FN1: variants seen among roughly 807,000 people sequenced by gnomAD.
FN1 encodes fibronectin 1.
FN1 carries 106 observed loss-of-function variants against 297.3 expected under a neutral mutation model. The observed-to-expected ratio is 0.36, with a 90% CI of 0.30 to 0.42. The LOEUF (loss-of-function observed/expected upper bound fraction) is 0.42. Among genes scored for constraint, FN1 ranks in the 10% least tolerant of loss-of-function variants. The pLI, the probability that FN1 is intolerant of heterozygous loss-of-function variation, is 1.00. For missense variants in FN1, 2,690 were observed against 3,124.9 expected (o/e 0.86, Z 3.32); for synonymous variants, 1,149 against 1,152.6 (o/e 1.00, Z 0.06).
chr2:215,414,729 G>A, intron 13 of FN1, 108 bp downstream of exon 13: 1 of 1,546,344 alleles, frequency 6.5e-7, no homozygotes, highest in Non-Finnish European at 8.8e-7. Flanking sequence ...AAATGCTATA[G>A]GAATAGTTAA....
At chr2:215,405,673 G>T (rs1286577898) in intron 19 of FN1, among the ~76,000 whole-genome samples, 1 of 152,096 alleles carries the variant, frequency 6.6e-6, no homozygotes. Flanking sequence ...AACCCAGGTG[G>T]TAGAGGTTCC....
Position 215,378,191 on chromosome 2 carries a change from A to G in FN1, c.5694T>C (p.Val1898=), listed in dbSNP as rs1320187351. Residue 1898 remains valine, a synonymous_variant, in exon 35 of 46, where the codon GTT becomes GTC. Coordinates refer to ENST00000354785, the MANE Select transcript of FN1 (RefSeq NM_212482.4). ...DTLTSRPAQG[V]VTTLENVSPP... is the part of the protein sequence containing the mutation. The stretch of plus-strand genomic sequence containing the variant: ...GTTACTTACTCTCCAGAGTGGTGAC[A>G]ACTCCCTGAGCTGGTCTGCTTGTCA... 1 of 1,604,646 alleles carries G rather than the reference A, an allele frequency of 6.2e-7. No homozygotes were observed. Among genetic ancestry groups the G allele is most frequent in the African/African-American group, 1.3e-5 (1 of 74,740 alleles).
rs146795650 is a variant in FN1 at position 215,434,792 on chromosome 2, T to G, written c.181A>C (p.Ile61Leu). Residue 61 changes from isoleucine to leucine, a missense_variant, in exon 2 of 46, where the codon ATA becomes CTA. By Grantham distance (5) the Ile-to-Leu change is conservative (BLOSUM62 2). Around this residue, in one of 3 missense-constraint regions of FN1, gnomAD observed 876 missense variants for 1,058.1 expected, o/e 0.83. Transcript: ENST00000354785. Reference sequence around the variant, plus strand: ...TAGGTCCGCTCCCACTGTTGATTTATCTGATAGTGTTTTCCATTGTCATAA... The same window carrying G: ...TAGGTCCGCTCCCACTGTTGATTTAGCTGATAGTGTTTTCCATTGTCATAA... Reference protein sequence around the residue: ...GCYDNGKHYQINQQWERTYLG... With the variant: ...GCYDNGKHYQLNQQWERTYLG... 2.5e-6 allele frequency: 4 copies of G among 1,613,904 alleles called. No homozygotes were observed. In the South Asian group the frequency reaches 3.3e-5, roughly 13 times the overall value.
In FN1 at chr2:215,408,419, T is replaced by C. The variant is rs775557843; in HGVS notation, c.2307A>G (p.Pro769=). 10 of 1,613,996 alleles carry C rather than the reference T, an allele frequency of 6.2e-6. No homozygotes were observed. In the East Asian group the frequency reaches 2.2e-4, roughly 36 times the overall value. ...EGDEPQYLDL[P]STATSVNIPD... Reference sequence around the variant, plus strand: ...GGATGTTCACAGAAGTGGCTGTGCTTGGAAGATCTTTGAAATGAAAAGAAA... The same window carrying C: ...GGATGTTCACAGAAGTGGCTGTGCTCGGAAGATCTTTGAAATGAAAAGAAA... The change falls in exon 16 of 46, where the codon CCA becomes CCG. Residue 769 remains proline, a synonymous_variant. Coordinates refer to ENST00000354785, the MANE Select transcript of FN1 (RefSeq NM_212482.4).
intron 38 of FN1, among the ~76,000 whole-genome samples, chr2:215,374,735 C>T (rs1308068359): frequency 6.6e-6 from 1 of 152,198 alleles, no homozygotes; most frequent in East Asian, 1.9e-4. Flanking sequence ...AGGTAGACAA[C>T]TCTTATTCCC....
rs377315833 is a variant in FN1 at position 215,370,540 on chromosome 2, C to CAAAAAAAAAAAAA, written c.6715-109_6715-108insTTTTTTTTTTTTT. 9.2e-4 allele frequency: 280 copies of CAAAAAAAAAAAAA among 304,780 alleles called. 14 individuals carry two copies. The African/African-American group carries it at 9.6e-3, about 10-fold the overall frequency. 18.9% of individuals were successfully genotyped at this position (304,780 alleles called of 1,614,324 possible). A position where few individuals can be genotyped will look rare whatever the true frequency, so the allele number is the denominator to read the frequency against. ...ACTGTTTAAACAAAGCAAAGGAAGA[C>CAAAAAAAAAAAAA]AAAAAACAAAAAACAAAAAAAAAAA... On this transcript the variant is annotated intron_variant, in intron 40 of 45. Coordinates refer to ENST00000354785, the MANE Select transcript of FN1 (RefSeq NM_212482.4).
In FN1 at chr2:215,408,340, C is replaced by T. The variant is rs1391805385; in HGVS notation, c.2386G>A (p.Asp796Asn). 3 of 1,613,980 alleles carry T rather than the reference C, an allele frequency of 1.9e-6. No homozygotes were observed. The highest frequency in any genetic ancestry group is 2.5e-6 in the Non-Finnish European group (3 of 1,179,990). Reference protein sequence around the residue: ...YIVNVYQISEDGEQSLILSTS... With the variant: ...YIVNVYQISENGEQSLILSTS... ...GACAGGATCAAACTCTGCTCCCCATCCTCAGATATCTGATAGACATTTACA... is the reference window on the plus strand; with the variant it reads ...GACAGGATCAAACTCTGCTCCCCATTCTCAGATATCTGATAGACATTTACA... The change falls in exon 16 of 46, where the codon GAT becomes AAT. Residue 796 changes from aspartate (D) to asparagine (N), a missense_variant. Coordinates refer to ENST00000354785, the MANE Select transcript of FN1 (RefSeq NM_212482.4).
At chr2:215,369,157 C>T (rs1299465199) in intron 41 of FN1, among the ~76,000 whole-genome samples, 2 of 149,194 alleles carry the variant, frequency 1.3e-5, no homozygotes, top group African/African-American at 2.5e-5. Flanking sequence ...GGTTTCTATA[C>T]TCAAAAGAGC....
rs892630783 is a variant in FN1 at position 215,401,890 on chromosome 2, G to C, written c.3253+2499C>G. ...TAATGGCTGAATTGAGGTACTACTG[G>C]TTTAGTGGGCTGTTTCATCTATGTA... On this transcript the variant is annotated intron_variant, in intron 20 of 45. Coordinates refer to ENST00000354785, the MANE Select transcript of FN1 (RefSeq NM_212482.4). Among the ~76,000 whole-genome samples, 15 of 150,924 alleles carry C rather than the reference G, an allele frequency of 9.9e-5. No homozygotes were observed. In the East Asian group the frequency reaches 2.5e-3, roughly 26 times the overall value.
In FN1 at chr2:215,371,989, T is replaced by C. The variant is rs17449032; in HGVS notation, c.6634A>G (p.Ile2212Val). The change falls in exon 40 of 46, where the codon ATC (isoleucine) becomes GTC (valine). Residue 2212 changes from isoleucine (I) to valine (V), a missense_variant. Physicochemically the swap from Ile to Val is conservative, Grantham distance 29. Around this residue, in one of 3 missense-constraint regions of FN1, gnomAD observed 1,743 missense variants for 1,945.2 expected, o/e 0.90. Transcript: ENST00000354785. ...TGQEALSQTT[I>V]SWAPFQDTSE... ...GTGTCCTGGAATGGGGCCCATGAGA[T>C]GGTTGTCTGAGAGAGAGCTTCTTGT... 0.019 allele frequency: 31,281 copies of C among 1,614,126 alleles called. 352 individuals are homozygous for C. Among genetic ancestry groups the C allele is most frequent in the Non-Finnish European group, 0.022 (26,017 of 1,180,000 alleles).
At chr2:215,415,112 G>A (rs368917608) in intron 12 of FN1, among the ~76,000 whole-genome samples, 154 bp from the exon 13 acceptor site, 42 of 152,100 alleles carry the variant, frequency 2.8e-4, no homozygotes, top group Admixed American at 2.2e-3. Flanking sequence ...AAATATTTAC[G>A]TTGAAAATCA....
At chr2:215,418,649 T>G (rs961917413) in intron 12 of FN1, among the ~76,000 whole-genome samples, 1 of 152,202 alleles carries the variant, frequency 6.6e-6, no homozygotes, top group African/African-American at 2.4e-5. Flanking sequence ...CAGCTAGGCA[T>G]GATGTCTTTG....
At chr2:215,403,886 T>C (rs1051525210) in intron 20 of FN1, among the ~76,000 whole-genome samples, 3 of 152,256 alleles carry the variant, frequency 2.0e-5, no homozygotes, top group Admixed American at 1.3e-4. Context: ...ATTCAATCCA[T>C]AGATATTTTT....
At chr2:215,397,025 C>G in intron 23 of FN1, 112 bp downstream of exon 23, 1 of 808,476 alleles carries the variant, frequency 1.2e-6, no homozygotes, top group Non-Finnish European at 2.2e-6. Context: ...TTATGGAGAG[C>G]TAAGCATTTG....
At chr2:215,423,067 G>C (rs140691696) in intron 9 of FN1, among the ~76,000 whole-genome samples, 25 of 152,168 alleles carry the variant, frequency 1.6e-4, no homozygotes, top group African/African-American at 5.8e-4. Context: ...CATATTTCCA[G>C]ACTTACAAAT....
chr2:215,385,488 G>A (rs1482719569), intron 28 of FN1, among the ~76,000 whole-genome samples: 1 of 150,832 alleles, frequency 6.6e-6, no homozygotes, highest in Non-Finnish European at 1.5e-5. Flanking sequence ...CTCGAGCCTG[G>A]GAGGCAGAGG....
intron 13 of FN1, among the ~76,000 whole-genome samples, chr2:215,413,836 T>TA (rs2063047562): frequency 6.6e-6 from 1 of 152,228 alleles, no homozygotes; most frequent in Non-Finnish European, 1.5e-5. Context: ...CCTGGCTGAG[T>TA]ATAGAAGACT....
intron 13 of FN1, 89 bp downstream of exon 13, chr2:215,414,748 G>T: frequency 1.9e-6 from 3 of 1,583,754 alleles, no homozygotes; most frequent in Non-Finnish European, 2.6e-6. Context: ...AATCAGAGTT[G>T]TTGGCTCAAA....
chr2:215,420,229 C>T (rs1246747853), intron 11 of FN1, among the ~76,000 whole-genome samples: 2 of 152,132 alleles, frequency 1.3e-5, no homozygotes, highest in Non-Finnish European at 2.9e-5. Context: ...ATCCCAGCTA[C>T]TCAGGAGGCT....
Sources: gnomAD v4.1 joint callset for allele counts (sites outside exome capture counted in the v4.1 genomes callset) on GRCh38, gnomAD v4.1.1 for gene constraint, gnomAD v4.1.1 regional missense constraint, MANE v1.5 for transcripts, NCBI Gene and HGNC (gene_info 2026-07-23, HGNC 2026-07-21) for gene names.